The following C1GALT1C1 variants were observed in gnomAD, a reference collection of about 807,000 sequenced individuals.
C1GALT1C1 encodes C1GALT1-specific chaperone 1.
For missense variants in C1GALT1C1, 176 were observed against 234.7 expected (o/e 0.75, Z 1.63); for synonymous variants, 77 against 77.9 (o/e 0.99, Z 0.06).
intron 1 of C1GALT1C1, among the ~76,000 whole-genome samples, chrX:120,627,676 G>A (rs1331299824): frequency 8.9e-6 from 1 of 112,041 alleles, no homozygotes; most frequent in African/African-American, 3.2e-5. Flanking sequence ...GTCCTTAAGT[G>A]TTTTGAGTAA....
Position 120,626,048 on chromosome X carries a change from C to T in C1GALT1C1, c.*162G>A, listed in dbSNP as rs1927159683. The stretch of plus-strand genomic sequence containing the variant: ...GTGTTTTAAAGAAAAAAACCACCCT[C>T]ATTTAAAAATGTACTACTGACTTTA... On this transcript the variant is annotated 3_prime_UTR_variant, in exon 2 of 2. Transcript: ENST00000304661. The T allele has an allele frequency of 2.5e-6, 1 of 400,752 alleles. No homozygotes were observed. Among genetic ancestry groups the T allele is most frequent in the Non-Finnish European group, 4.2e-6 (1 of 238,112 alleles). 33.0% of individuals were successfully genotyped at this position (400,752 alleles called of 1,213,427 possible). A position where few individuals can be genotyped will look rare whatever the true frequency, so the allele number is the denominator to read the frequency against.
At chrX:120,628,201 C>T (rs1283291356) in intron 1 of C1GALT1C1, among the ~76,000 whole-genome samples, 1 of 111,307 alleles carries the variant, frequency 9.0e-6, no homozygotes, top group East Asian at 2.8e-4. Context: ...GATCTCACCA[C>T]GGCACTCCAG....
rs1927187015 is a variant in C1GALT1C1, at chrX:120,626,678, T to C, written c.489A>G (p.Pro163=). 1 of 1,209,349 alleles carries C rather than the reference T, an allele frequency of 8.3e-7. No homozygotes were observed. The highest frequency in any genetic ancestry group is 1.1e-6 in the Non-Finnish European group (1 of 894,906). The change falls in exon 2 of 2, where the codon CCA becomes CCG. Residue 163 remains proline, a synonymous_variant. Coordinates refer to ENST00000304661, the MANE Select transcript of C1GALT1C1 (RefSeq NM_001011551.3). ...NLKYFLLKKD[P]SQPFYLGHTI... is the part of the protein sequence containing the mutation. ...TGTGGCCTAGATAGAAAGGCTGTGA[T>C]GGATCCTTTTTTAACAAAAAATACT...
Position 120,625,975 on chromosome X carries a change from AATT to A in C1GALT1C1, c.*232_*234del, listed in dbSNP as rs1486937939. ...ATATTTATTAATAGTTTATTTGCAA[AATT>A]ATTATTCTTAAAACACTTCTTTCCA... On this transcript the variant is annotated 3_prime_UTR_variant, in exon 2 of 2. Coordinates refer to ENST00000304661, the MANE Select transcript of C1GALT1C1 (RefSeq NM_001011551.3). 3.4e-5 allele frequency: 10 copies of A among 290,291 alleles called. No homozygotes were observed. Among genetic ancestry groups the A allele is most frequent in the African/African-American group, 2.2e-4 (8 of 36,639 alleles). 23.9% of individuals were successfully genotyped at this position (290,291 alleles called of 1,213,427 possible).
At position 120,627,270 on chromosome X, in the gene C1GALT1C1, G is replaced by GT. The variant is rs762031412; in HGVS notation, c.-5-100dup. ...TATATACTTACATTTTGCTTTTAAT[G>GT]TTTTTTTTAAAAGGTTCCCAAGCTT... On this transcript the variant is annotated intron_variant, in intron 1 of 1. Transcript: ENST00000304661. The GT allele has an allele frequency of 3.6e-4, 231 of 640,812 alleles. No homozygotes were observed. In the Admixed American group the frequency reaches 4.9e-3, roughly 14 times the overall value. 52.8% of individuals were successfully genotyped at this position (640,812 alleles called of 1,213,427 possible). A position where few individuals can be genotyped will look rare whatever the true frequency, so the allele number is the denominator to read the frequency against.
Position 120,626,131 on chromosome X carries a change from T to C in C1GALT1C1, c.*79A>G, listed in dbSNP as rs971557659. 2.0e-5 allele frequency: 18 copies of C among 879,086 alleles called. No individual in the cohort carries two copies. Among genetic ancestry groups the C allele is most frequent in the East Asian group, 3.1e-5 (1 of 32,050 alleles). The allele number at this position is 879,086 out of a possible 1,213,427, so 72.4% of individuals were successfully genotyped here. ...AAAGAAAAAGAAACATACAGCTGTA[T>C]TGGATATGTAGTTACTACTACAAAT... On this transcript the variant is annotated 3_prime_UTR_variant, in exon 2 of 2. Coordinates refer to ENST00000304661, the MANE Select transcript of C1GALT1C1 (RefSeq NM_001011551.3).
rs751222455 is a variant in C1GALT1C1, at chrX:120,625,907, CCA to C, written c.*301_*302del. 3.7e-5 allele frequency: 7 copies of C among 190,864 alleles called. No individual in the cohort carries two copies. Among genetic ancestry groups the C allele is most frequent in the Non-Finnish European group, 4.8e-5 (5 of 104,686 alleles). 15.7% of individuals were successfully genotyped at this position (190,864 alleles called of 1,213,427 possible). Reference sequence around the variant, plus strand: ...TAACCAATCAGCAAAAATATGTGCCCCACAGATTTCTAATGTTCATAATTTAG... The same window carrying C: ...TAACCAATCAGCAAAAATATGTGCCCCAGATTTCTAATGTTCATAATTTAG... On this transcript the variant is annotated 3_prime_UTR_variant, in exon 2 of 2. Transcript: ENST00000304661.
At chrX:120,629,481 T>C (rs911250706) in intron 1 of C1GALT1C1, among the ~76,000 whole-genome samples, 4 of 111,374 alleles carry the variant, frequency 3.6e-5, no homozygotes, top group African/African-American at 1.3e-4. Context: ...TAAAATAATT[T>C]GCAAAAATTA....
Position 120,626,328 on chromosome X carries a change from C to A in C1GALT1C1, c.839G>T (p.Gly280Val). 1 of 1,212,064 alleles carries A rather than the reference C, an allele frequency of 8.3e-7. No individual in the cohort carries two copies. Among genetic ancestry groups the A allele is most frequent in the Non-Finnish European group, 1.1e-6 (1 of 895,352 alleles). The change falls in exon 2 of 2, where the codon GGA becomes GTA. Residue 280 changes from glycine (G) to valine (V), a missense_variant. By Grantham distance (109) the Gly-to-Val change is moderately radical (BLOSUM62 -3). Transcript: ENST00000304661. ...CCSDMAVTFN[G>V]LTPNQMHVMM... ...CACATGCATCTGATTTGGAGTCAGT[C>A]CATTAAAAGTAACAGCCATATCTGA... is the stretch of plus-strand genomic sequence containing the variant.
intron 1 of C1GALT1C1, 82 bp from the exon 2 acceptor site, chrX:120,627,253 T>G: frequency 1.4e-6 from 1 of 737,484 alleles, no homozygotes; most frequent in Admixed American, 4.0e-5. Context: ...CTTATATACT[T>G]ACATTTTGCT....
In C1GALT1C1 at chrX:120,626,958, T is replaced by A. The variant is rs1180011431; in HGVS notation, c.209A>T (p.Tyr70Phe). 8.3e-7 allele frequency: 1 copy of A among 1,209,503 alleles called. No individual in the cohort carries two copies. Among genetic ancestry groups the A allele is most frequent in the Non-Finnish European group, 1.1e-6 (1 of 895,084 alleles). Reference protein sequence around the residue: ...RMELSKSFRVYCIILVKPKDV... With the variant: ...RMELSKSFRVFCIILVKPKDV... Reference sequence around the variant, plus strand: ...TTTGGGTTTTACAAGGATAATACAGTATACTCGAAAGCTCTTACTGAGCTC... The same window carrying A: ...TTTGGGTTTTACAAGGATAATACAGAATACTCGAAAGCTCTTACTGAGCTC... The change falls in exon 2 of 2, where the codon TAC (tyrosine) becomes TTC (phenylalanine). Residue 70 changes from tyrosine to phenylalanine, a missense_variant. Transcript: ENST00000304661.
In C1GALT1C1 at chrX:120,626,824, T is replaced by C; in HGVS notation, c.343A>G (p.Thr115Ala). Residue 115 changes from threonine to alanine, a missense_variant, in exon 2 of 2, where the codon ACA (threonine) becomes GCA (alanine). Coordinates refer to ENST00000304661, the MANE Select transcript of C1GALT1C1 (RefSeq NM_001011551.3). Reference protein sequence around the residue: ...VKVFESINMDTNDMWLMMRKA... With the variant: ...VKVFESINMDANDMWLMMRKA... ...CTCATCATTAACCACATGTCATTTG[T>C]GTCCATATTAATTGACTCAAACACT... is the stretch of plus-strand genomic sequence containing the variant. 1 of 1,210,229 alleles carries C rather than the reference T, an allele frequency of 8.3e-7. No homozygotes were observed. The highest frequency in any genetic ancestry group is 1.1e-6 in the Non-Finnish European group (1 of 894,293).
Position 120,627,147 on chromosome X carries a change from G to C in C1GALT1C1, c.20C>G (p.Ser7Cys). 9.0e-7 allele frequency: 1 copy of C among 1,115,592 alleles called. No individual in the cohort carries two copies. Among genetic ancestry groups the C allele is most frequent in the Middle Eastern group, 3.2e-4 (1 of 3,135 alleles). The allele number at this position is 1,115,592 out of a possible 1,213,427, so 91.9% of individuals were successfully genotyped here. Residue 7 changes from serine to cysteine, a missense_variant, in exon 2 of 2, where the codon TCC becomes TGC. Coordinates refer to ENST00000304661, the MANE Select transcript of C1GALT1C1 (RefSeq NM_001011551.3). MLSESS[S>C]FLKGVMLGSI... Reference sequence around the variant, plus strand: ...TCCAAGCATCACACCCTTCAAAAAGGAGCTGCTTTCAGAAAGCATTTTTCC... The same window carrying C: ...TCCAAGCATCACACCCTTCAAAAAGCAGCTGCTTTCAGAAAGCATTTTTCC...
At chrX:120,627,680 T>C (rs1227936706) in intron 1 of C1GALT1C1, among the ~76,000 whole-genome samples, 1 of 112,217 alleles carries the variant, frequency 8.9e-6, no homozygotes, top group Admixed American at 9.5e-5. Context: ...TTAAGTGTTT[T>C]GAGTAAATCT....
In C1GALT1C1 at chrX:120,625,982, A is replaced by G; in HGVS notation, c.*228T>C. On this transcript the variant is annotated 3_prime_UTR_variant, in exon 2 of 2. Coordinates refer to ENST00000304661, the MANE Select transcript of C1GALT1C1 (RefSeq NM_001011551.3). ...TTAATAGTTTATTTGCAAAATTATTATTCTTAAAACACTTCTTTCCAACAC... is the reference window on the plus strand; with the variant it reads ...TTAATAGTTTATTTGCAAAATTATTGTTCTTAAAACACTTCTTTCCAACAC... The G allele has an allele frequency of 3.4e-6, 1 of 297,912 alleles. No homozygotes were observed. Among genetic ancestry groups the G allele is most frequent in the Non-Finnish European group, 5.9e-6 (1 of 168,765 alleles). The allele number at this position is 297,912 out of a possible 1,213,427, so 24.6% of individuals were successfully genotyped here. A position where few individuals can be genotyped will look rare whatever the true frequency, so the allele number is the denominator to read the frequency against.
rs146957987 is a variant in C1GALT1C1 at position 120,626,412 on chromosome X, C to T, written c.755G>A (p.Gly252Glu). The T allele has an allele frequency of 5.8e-6, 7 of 1,210,737 alleles. No homozygotes were observed. In the African/African-American group the frequency reaches 1.2e-4, roughly 21 times the overall value. The change falls in exon 2 of 2, where the codon GGG becomes GAG. Residue 252 changes from glycine (G) to glutamate (E), a missense_variant. Coordinates refer to ENST00000304661, the MANE Select transcript of C1GALT1C1 (RefSeq NM_001011551.3). ...GKDVFNTKSV[G>E]LSIKEAMTYH... ...AGTCATTGCCTCTTTAATAGAAAGC[C>T]CAACAGATTTGGTATTAAATACATC...
chrX:120,626,133 G>A lies in C1GALT1C1; in HGVS notation c.*77C>T. 3.4e-6 allele frequency: 3 copies of A among 885,773 alleles called. No homozygotes were observed. Among genetic ancestry groups the A allele is most frequent in the Non-Finnish European group, 3.2e-6 (2 of 626,690 alleles). 73.0% of individuals were successfully genotyped at this position (885,773 alleles called of 1,213,427 possible). The stretch of plus-strand genomic sequence containing the variant: ...AGAAAAAGAAACATACAGCTGTATT[G>A]GATATGTAGTTACTACTACAAATAA... On this transcript the variant is annotated 3_prime_UTR_variant, in exon 2 of 2. Transcript: ENST00000304661.
chrX:120,627,159 G>A lies in C1GALT1C1; in HGVS notation c.8C>T (p.Ser3Phe), dbSNP rs750063627. The A allele has an allele frequency of 4.5e-6, 5 of 1,105,484 alleles. No individual in the cohort carries two copies. Among genetic ancestry groups the A allele is most frequent in the South Asian group, 2.6e-5 (1 of 38,137 alleles). 91.1% of individuals were successfully genotyped at this position (1,105,484 alleles called of 1,213,427 possible). ML[S>F]ESSSFLKGVM... ...ACCCTTCAAAAAGGAGCTGCTTTCAGAAAGCATTTTTCCTATAAAGAAGAA... is the reference window on the plus strand; with the variant it reads ...ACCCTTCAAAAAGGAGCTGCTTTCAAAAAGCATTTTTCCTATAAAGAAGAA... The change falls in exon 2 of 2, where the codon TCT becomes TTT. Residue 3 changes from serine to phenylalanine, a missense_variant. Coordinates refer to ENST00000304661, the MANE Select transcript of C1GALT1C1 (RefSeq NM_001011551.3).
chrX:120,626,993 A>T lies in C1GALT1C1; in HGVS notation c.174T>A (p.Asp58Glu). Reference sequence around the variant, plus strand: ...AGCTCTTACTGAGCTCCATGCGCTCATCCTCTGAAATTTTCAAGATATCTT... The same window carrying T: ...AGCTCTTACTGAGCTCCATGCGCTCTTCCTCTGAAATTTTCAAGATATCTT... ...NKEDILKISE[D>E]ERMELSKSFR... Residue 58 changes from aspartate (D) to glutamate (E), a missense_variant, in exon 2 of 2, where the codon GAT becomes GAA. Coordinates refer to ENST00000304661, the MANE Select transcript of C1GALT1C1 (RefSeq NM_001011551.3). The T allele has an allele frequency of 8.3e-7, 1 of 1,211,016 alleles. No homozygotes were observed. Among genetic ancestry groups the T allele is most frequent in the African/African-American group, 1.7e-5 (1 of 57,667 alleles).
Sources: gnomAD v4.1 joint callset for allele counts (sites outside exome capture counted in the v4.1 genomes callset) on GRCh38, gnomAD v4.1.1 for gene constraint, MANE v1.5 for transcripts, NCBI Gene and HGNC (gene_info 2026-07-23, HGNC 2026-07-21) for gene names.